IFT140: variants seen among roughly 807,000 people sequenced by gnomAD.
The protein encoded by IFT140 is intraflagellar transport protein 140 homolog.
In IFT140, 133 loss-of-function variants were observed where a neutral mutation model predicts 164.6. The ratio of observed to expected loss-of-function variants is 0.81; its 90% confidence interval spans 0.70 to 0.93. IFT140 has a LOEUF of 0.93. IFT140 is among the 40% of genes least tolerant of loss of function. The pLI, the probability that IFT140 is intolerant of heterozygous loss-of-function variation, is 0.00. For synonymous variants in IFT140, 860 were observed against 817.3 expected (o/e 1.05, Z -0.89); for missense variants, 2,045 against 1,972.3 (o/e 1.04, Z -0.70).
At chr16:1,557,559 T>C (rs1051174323) in intron 19 of IFT140, 31 of 203,002 alleles carry the variant, frequency 1.5e-4, no homozygotes, top group Non-Finnish European at 2.9e-4. Context: ...CAGCCCTTGA[T>C]TGATACCCTC....
chr16:1,563,098 C>T (rs964119066), intron 17 of IFT140, among the ~76,000 whole-genome samples: 4 of 151,990 alleles, frequency 2.6e-5, no homozygotes, highest in Non-Finnish European at 5.9e-5. Context: ...CCATCTTCCC[C>T]GGGTGTCAGC....
chr16:1,519,817 T>C, intron 29 of IFT140, 64 bp downstream of exon 29: 1 of 1,441,658 alleles, frequency 6.9e-7, no homozygotes, highest in Non-Finnish European at 9.2e-7. Context: ...GGGTTTCTCG[T>C]GGTCAGCCCC....
intron 30 of IFT140, among the ~76,000 whole-genome samples, chr16:1,516,477 T>C (rs2040346878): frequency 6.6e-6 from 1 of 151,850 alleles, no homozygotes; most frequent in Non-Finnish European, 1.5e-5. Flanking sequence ...TTATAAAAAA[T>C]AGTCCACTAA....
rs910870360 is a variant in IFT140, at chr16:1,524,858, G to A, written c.2923C>T (p.Leu975=). Residue 975 remains leucine, a synonymous_variant, in exon 23 of 31, where the codon CTG becomes TTG. Coordinates refer to ENST00000426508, the MANE Select transcript of IFT140 (RefSeq NM_014714.4). The part of the protein sequence containing the change: ...LESQGEMDAA[L]HYYELARDHF... Reference sequence around the variant, plus strand: ...TCCCGGGCCAGCTCGTAGTAGTGCAGCGCGGCGTCCATCTCGCCCTGGCTC... The same window carrying A: ...TCCCGGGCCAGCTCGTAGTAGTGCAACGCGGCGTCCATCTCGCCCTGGCTC... The A allele has an allele frequency of 1.2e-6, 2 of 1,613,182 alleles. No homozygotes were observed. Among genetic ancestry groups the A allele is most frequent in the East Asian group, 2.2e-5 (1 of 44,852 alleles).
At chr16:1,540,847 G>A (rs1438504265) in intron 19 of IFT140, 2 of 985,416 alleles carry the variant, frequency 2.0e-6, no homozygotes, top group Non-Finnish European at 1.2e-6. Flanking sequence ...AAGGCATGGC[G>A]ATGACAGGCT....
In IFT140 at chr16:1,607,115, C is replaced by T; in HGVS notation, c.147+5G>A. ...CAGTCAGGCTCCTTGCTTCTGAGCA[C>T]TCACTTGCTCCAGGTAAATATCCAC... On this transcript the variant is annotated splice_donor_5th_base_variant and intron_variant, in intron 3 of 30. Coordinates refer to ENST00000426508, the MANE Select transcript of IFT140 (RefSeq NM_014714.4). The T allele has an allele frequency of 2.5e-6, 4 of 1,613,558 alleles. No homozygotes were observed. The highest frequency in any genetic ancestry group is 3.4e-6 in the Non-Finnish European group (4 of 1,179,664).
intron 19 of IFT140, among the ~76,000 whole-genome samples, chr16:1,529,063 C>T (rs1449221101): frequency 2.6e-5 from 4 of 152,168 alleles, no homozygotes; most frequent in Non-Finnish European, 5.9e-5. Flanking sequence ...ATGGGCCCTG[C>T]GGTGGTGTCT....
At chr16:1,538,892 T>C (rs2031338812) in intron 19 of IFT140, among the ~76,000 whole-genome samples, 1 of 152,176 alleles carries the variant, frequency 6.6e-6, no homozygotes, top group Non-Finnish European at 1.5e-5. Flanking sequence ...CAGGGCAGTG[T>C]CTGCCTCAAC....
intron 30 of IFT140, among the ~76,000 whole-genome samples, chr16:1,511,543 G>A (rs1271417145): frequency 1.3e-5 from 2 of 152,154 alleles, no homozygotes; most frequent in Non-Finnish European, 1.5e-5. Flanking sequence ...ATATGTCAGA[G>A]TGGAGGGCAG....
chr16:1,590,337 C>T (rs915874664), intron 6 of IFT140, among the ~76,000 whole-genome samples: 1 of 152,090 alleles, frequency 6.6e-6, no homozygotes, highest in African/African-American at 2.4e-5. Context: ...TGGAGGGTTT[C>T]ACATCCACAC....
intron 10 of IFT140, among the ~76,000 whole-genome samples, chr16:1,585,680 A>C (rs894473802): frequency 6.6e-6 from 1 of 152,130 alleles, no homozygotes; most frequent in Non-Finnish European, 1.5e-5. Context: ...AGGTCTTTTA[A>C]AATGTCTTAT....
intron 14 of IFT140, among the ~76,000 whole-genome samples, chr16:1,568,613 G>A (rs1484949303): frequency 1.3e-5 from 2 of 152,096 alleles, no homozygotes; most frequent in African/African-American, 4.8e-5. Context: ...CAGGCGTGGT[G>A]GCTCACACCT....
intron 19 of IFT140, among the ~76,000 whole-genome samples, chr16:1,530,133 CTTTTTTTTTT>C (rs922819138): frequency 1.1e-5 from 1 of 88,596 alleles, no homozygotes; most frequent in African/African-American, 5.4e-5. Context: ...CGACGGGAAT[CTTTTTTTTTT>C]TTTTTTTTTT....
Position 1,510,827 on chromosome 16 carries a change from G to A in IFT140, c.*117C>T, listed in dbSNP as rs958587227. 2.5e-5 allele frequency: 24 copies of A among 961,502 alleles called. No homozygotes were observed. Among genetic ancestry groups the A allele is most frequent in the African/African-American group, 2.3e-4 (14 of 61,864 alleles). 59.6% of individuals were successfully genotyped at this position (961,502 alleles called of 1,614,324 possible). A position where few individuals can be genotyped will look rare whatever the true frequency, so the allele number is the denominator to read the frequency against. On this transcript the variant is annotated 3_prime_UTR_variant, in exon 31 of 31. Coordinates refer to ENST00000426508, the MANE Select transcript of IFT140 (RefSeq NM_014714.4). ...CTGCGTTCTCGCCCAGCTCTGTCGC[G>A]TATTCCAACACAGACATGTTTTTTC...
At position 1,511,017 on chromosome 16, in the gene IFT140, A is replaced by G. The variant is rs781343435; in HGVS notation, c.4316T>C (p.Val1439Ala). The G allele has an allele frequency of 1.2e-6, 2 of 1,607,930 alleles. No individual in the cohort carries two copies. The highest frequency in any genetic ancestry group is 1.1e-5 in the South Asian group (1 of 90,302). Residue 1439 changes from valine to alanine, a missense_variant, in exon 31 of 31, where the codon GTC becomes GCC. By Grantham distance (64) the Val-to-Ala change is moderately conservative. Coordinates refer to ENST00000426508, the MANE Select transcript of IFT140 (RefSeq NM_014714.4). ...GGCGTCCTCCATGCTGTTGTGGCGG[A>G]CCTGCTCGGGGACGGTGCGTGGCAG... ...LPLPRTVPEQ[V>A]RHNSMEDARE...
At chr16:1,605,298 T>C (rs1168079505) in intron 3 of IFT140, among the ~76,000 whole-genome samples, 2 of 152,032 alleles carry the variant, frequency 1.3e-5, no homozygotes, top group African/African-American at 4.8e-5. Context: ...ACTCAGGGGG[T>C]GACACCTAGA....
chr16:1,530,240 C>A (rs1292297679), intron 19 of IFT140, among the ~76,000 whole-genome samples: 1 of 145,528 alleles, frequency 6.9e-6, no homozygotes, highest in South Asian at 2.2e-4. Flanking sequence ...CCGAGTGATT[C>A]TCCTGCCTCA....
At position 1,525,308 on chromosome 16, in the gene IFT140, C is replaced by T. The variant is rs374661866; in HGVS notation, c.2787G>A (p.Thr929=). The change falls in exon 22 of 31, where the codon ACG becomes ACA. Residue 929 remains threonine (T), a synonymous_variant. Coordinates refer to ENST00000426508, the MANE Select transcript of IFT140 (RefSeq NM_014714.4). ...RALSYYEKSD[T]HRFEVPRMLS... is the part of the protein sequence containing the mutation. ...GCATCCTGGGCACCTCGAAGCGGTG[C>T]GTGTCCGACTTCTCGTAGCTGTGAG... The T allele has an allele frequency of 2.2e-4, 359 of 1,612,126 alleles. No homozygotes were observed. The Middle Eastern group carries it at 8.3e-3, about 37-fold the overall frequency.
Position 1,566,527 on chromosome 16 carries a change from T to A in IFT140, c.1771-236A>T, listed in dbSNP as rs116908844. ...CCCAGGATGGAGTGCAGTGGTGCGA[T>A]CTTAGCTCACTGCAGCCTCCGCCTC... On this transcript the variant is annotated intron_variant, in intron 15 of 30. Transcript: ENST00000426508. Among the ~76,000 whole-genome samples, 8,027 of 152,264 alleles carry A rather than the reference T, an allele frequency of 0.053. 322 individuals are homozygous for A. Among genetic ancestry groups the A allele is most frequent in the South Asian group, 0.13 (629 of 4,824 alleles).
Sources: allele counts gnomAD v4.1 joint callset (sites outside exome capture counted in the v4.1 genomes callset), GRCh38; gene constraint gnomAD v4.1.1; transcripts MANE v1.5; gene names NCBI Gene and HGNC (gene_info 2026-07-23, HGNC 2026-07-21).